TIAM2: variants seen among roughly 807,000 people sequenced by gnomAD.
TIAM2 encodes the protein rho guanine nucleotide exchange factor TIAM2.
A neutral mutation model predicts 152.9 loss-of-function variants in TIAM2; 80 were observed. The observed-to-expected ratio is 0.52, with a 90% CI of 0.44 to 0.63. TIAM2 has a LOEUF of 0.63. TIAM2 is among the 30% of genes least tolerant of loss of function. The pLI is 0.00. For missense variants in TIAM2, 1,965 were observed against 2,120.1 expected (o/e 0.93, Z 1.44); for synonymous variants, 804 against 838.0 (o/e 0.96, Z 0.70).
At chr6:155,215,782 A>AT (rs200042228) in intron 15 of TIAM2, among the ~76,000 whole-genome samples, 4,343 of 121,428 alleles carry the variant, frequency 0.036, 318 homozygotes, top group Admixed American at 0.21. Context: ...CCTCTTCTGG[A>AT]TTTTTTTTTT....
chr6:155,097,712 TAGAC>T (rs1488937246), intron 2 of TIAM2, among the ~76,000 whole-genome samples: 3 of 152,224 alleles, frequency 2.0e-5, no homozygotes, highest in African/African-American at 7.2e-5. Context: ...TTTGAGGTCT[TAGAC>T]AGAAAATCAT....
chr6:155,227,679 C>T (rs1470722500), intron 15 of TIAM2, among the ~76,000 whole-genome samples: 3 of 152,156 alleles, frequency 2.0e-5, no homozygotes, highest in African/African-American at 4.8e-5. Flanking sequence ...TTGCAAGGTA[C>T]GATGTTAGAA....
chr6:155,016,637 G>A (rs553277695), intron 1 of TIAM2, among the ~76,000 whole-genome samples: 95 of 138,428 alleles, frequency 6.9e-4, no homozygotes, highest in Non-Finnish European at 1.3e-3. Flanking sequence ...GGTGGCTCAT[G>A]CCTGTAATCC....
chr6:155,058,784 C>T (rs368514808), intron 1 of TIAM2, among the ~76,000 whole-genome samples: 17 of 152,250 alleles, frequency 1.1e-4, no homozygotes, highest in Admixed American at 5.9e-4. Flanking sequence ...TGTTTCTCAG[C>T]GGTCTCAATA....
At chr6:155,195,022 T>C (rs897870541) in intron 14 of TIAM2, among the ~76,000 whole-genome samples, 1 of 152,226 alleles carries the variant, frequency 6.6e-6, no homozygotes, top group Non-Finnish European at 1.5e-5. Context: ...TCCTGAGGCC[T>C]CCGCAGCCCT....
Position 155,144,672 on chromosome 6 carries a change from G to GT in TIAM2, c.1698dup (p.Ala567CysfsTer119). On this transcript the variant is annotated frameshift_variant, in exon 6 of 27. Transcript: ENST00000682666. LOFTEE classifies it high-confidence loss of function. ...ATGGATCAGAGCAGTGCCCCTCGGT[G>GT]TGCTCTGTTTGCAGAAGACAGCATA... 6.2e-7 allele frequency: 1 copy of GT among 1,608,656 alleles called. No individual in the cohort carries two copies. The highest frequency in any genetic ancestry group is 1.1e-5 in the South Asian group (1 of 89,642).
Position 155,130,167 on chromosome 6 carries a change from G to A in TIAM2, c.944G>A (p.Gly315Asp), listed in dbSNP as rs529419016. The change falls in exon 4 of 27, where the codon GGT (glycine) becomes GAT (aspartate). Residue 315 changes from glycine (G) to aspartate (D), a missense_variant. By Grantham distance (94) the Gly-to-Asp change is moderately conservative (BLOSUM62 -1). Coordinates refer to ENST00000682666, the MANE Select transcript of TIAM2 (RefSeq NM_012454.4). Reference protein sequence around the residue: ...DANLGSLSPSGIRLSDEYMGT... With the variant: ...DANLGSLSPSDIRLSDEYMGT... Reference sequence around the variant, plus strand: ...AACCTGGGGAGCCTCTCCCCCTCAGGTATCCGCCTTTCTGATGAATACATG... The same window carrying A: ...AACCTGGGGAGCCTCTCCCCCTCAGATATCCGCCTTTCTGATGAATACATG... 6.2e-7 allele frequency: 1 copy of A among 1,614,116 alleles called. No homozygotes were observed. Among genetic ancestry groups the A allele is most frequent in the African/African-American group, 1.3e-5 (1 of 75,016 alleles).
intron 7 of TIAM2, among the ~76,000 whole-genome samples, chr6:155,154,814 G>T (rs1780066453): frequency 6.6e-6 from 1 of 152,130 alleles, no homozygotes; most frequent in Non-Finnish European, 1.5e-5. Context: ...GGTTCAGACT[G>T]CTCTGGGTTT....
intron 14 of TIAM2, among the ~76,000 whole-genome samples, chr6:155,188,172 G>A (rs1294697674): frequency 6.6e-6 from 1 of 152,126 alleles, no homozygotes; most frequent in East Asian, 1.9e-4. Flanking sequence ...CTCCACCATT[G>A]TCTTTCCTCG....
rs1246318260 is a variant in TIAM2, at chr6:155,252,938, C to T, written c.4120-10C>T. On this transcript the variant is annotated splice_polypyrimidine_tract_variant and intron_variant, in intron 23 of 26. Coordinates refer to ENST00000682666, the MANE Select transcript of TIAM2 (RefSeq NM_012454.4). Reference sequence around the variant, plus strand: ...CCTAACACTTTTCTTGGTGGGCCTTCATGTTACAGCCCTCGAATTCCCGGC... The same window carrying T: ...CCTAACACTTTTCTTGGTGGGCCTTTATGTTACAGCCCTCGAATTCCCGGC... The T allele has an allele frequency of 1.2e-6, 2 of 1,612,912 alleles. No individual in the cohort carries two copies. The highest frequency in any genetic ancestry group is 1.7e-6 in the Non-Finnish European group (2 of 1,179,056).
In TIAM2 at chr6:155,041,284, G is replaced by A. The variant is rs1347473096; in HGVS notation, c.-209+45792G>A. On this transcript the variant is annotated intron_variant, in intron 1 of 26. Transcript: ENST00000682666. Reference sequence around the variant, plus strand: ...TTTGTTTTTTCCCCCCAGGGGCTGGGGGAGAACTTCATAAAACTTGTTCAT... The same window carrying A: ...TTTGTTTTTTCCCCCCAGGGGCTGGAGGAGAACTTCATAAAACTTGTTCAT... 2.0e-5 allele frequency among the ~76,000 whole-genome samples: 3 copies of A among 152,202 alleles called. No homozygotes were observed. The East Asian group carries it at 5.8e-4, about 29-fold the overall frequency.
intron 2 of TIAM2, among the ~76,000 whole-genome samples, chr6:155,114,036 A>ATATTTTTTT: frequency 5.7e-4 from 20 of 34,904 alleles, no homozygotes; most frequent in East Asian, 1.4e-3. Context: ...ATATATATAT[A>ATATTTTTTT]TTTTTTTTTT....
intron 9 of TIAM2, 136 bp from the exon 10 acceptor site, chr6:155,176,680 G>C (rs1173188328): frequency 4.8e-6 from 4 of 840,614 alleles, no homozygotes; most frequent in Non-Finnish European, 7.3e-6. Flanking sequence ...GCCTCAGAGG[G>C]CTGTGAGAAG....
intron 2 of TIAM2, among the ~76,000 whole-genome samples, chr6:155,125,394 A>G (rs929377838): frequency 3.9e-5 from 6 of 152,222 alleles, no homozygotes; most frequent in Admixed American, 2.6e-4. Flanking sequence ...ATAATGAGAT[A>G]CTGCTTATGT....
At chr6:155,197,850 G>A (rs1781384088) in intron 14 of TIAM2, among the ~76,000 whole-genome samples, 1 of 152,178 alleles carries the variant, frequency 6.6e-6, no homozygotes, top group Non-Finnish European at 1.5e-5. Context: ...CCCAGGACAG[G>A]TGGGGATTAT....
At chr6:155,223,527 CT>C (rs11385281) in intron 15 of TIAM2, among the ~76,000 whole-genome samples, 3 of 130,864 alleles carry the variant, frequency 2.3e-5, no homozygotes, top group Non-Finnish European at 4.7e-5. Context: ...ATTTTTTTTT[CT>C]TTTTTTTTTT....
At chr6:155,054,850 G>C (rs544039664) in intron 1 of TIAM2, among the ~76,000 whole-genome samples, 10 of 152,288 alleles carry the variant, frequency 6.6e-5, no homozygotes, top group African/African-American at 2.2e-4. Context: ...CAGAATATTT[G>C]AGTTTTTATG....
At chr6:155,165,219 A>C in intron 8 of TIAM2, 44 bp from the exon 9 acceptor site, 1 of 1,562,310 alleles carries the variant, frequency 6.4e-7, no homozygotes, top group Non-Finnish European at 8.6e-7. Flanking sequence ...CTGCCACTCA[A>C]ATACTAAGCC....
intron 14 of TIAM2, among the ~76,000 whole-genome samples, chr6:155,190,537 G>C (rs1402464643): frequency 6.6e-6 from 1 of 152,232 alleles, no homozygotes; most frequent in Non-Finnish European, 1.5e-5. Flanking sequence ...GGCAGTATGA[G>C]GGTCAGGAGG....
Sources: allele counts gnomAD v4.1 joint callset (sites outside exome capture counted in the v4.1 genomes callset), GRCh38; gene constraint gnomAD v4.1.1; transcripts MANE v1.5; gene names NCBI Gene and HGNC (gene_info 2026-07-23, HGNC 2026-07-21).